The following TYR variants were observed in gnomAD, a reference collection of about 807,000 sequenced individuals.
TYR encodes LB24-AB.
A neutral mutation model predicts 51.5 loss-of-function variants in TYR; 58 were observed. The ratio of observed to expected loss-of-function variants is 1.13; its 90% CI spans 0.91 to 1.40. TYR has a LOEUF of 1.40. Ranked by LOEUF, TYR falls within the 40% of genes most tolerant of loss-of-function variation. The probability of loss-of-function intolerance (pLI) is 0.00; values close to 1 mark genes in which losing one functional copy is unlikely to be tolerated. For missense variants in TYR, 732 were observed against 647.4 expected, an observed-to-expected ratio of 1.13 and a Z score of -1.42; for synonymous variants, 263 against 235.2, an observed-to-expected ratio of 1.12 and a Z score of -1.08.
At chr11:89,225,451 A>C (rs565378630) in intron 2 of TYR, among the ~76,000 whole-genome samples, 13 of 151,964 alleles carry the variant, frequency 8.6e-5, no homozygotes, top group African/African-American at 2.9e-4. Flanking sequence ...CTAACAAAAA[A>C]TTTGTATCCT....
At chr11:89,205,901 T>C (rs961798905) in intron 2 of TYR, among the ~76,000 whole-genome samples, 2 of 152,126 alleles carry the variant, frequency 1.3e-5, no homozygotes, top group Non-Finnish European at 2.9e-5. Flanking sequence ...ATAAGATAAA[T>C]ATTTAAGACA....
At chr11:89,212,097 C>T (rs1943765898) in intron 2 of TYR, among the ~76,000 whole-genome samples, 1 of 151,908 alleles carries the variant, frequency 6.6e-6, no homozygotes, top group Non-Finnish European at 1.5e-5. Flanking sequence ...AAGATCAGAG[C>T]AGAAATGAAG....
chr11:89,283,114 T>C (rs1276711956), intron 3 of TYR, among the ~76,000 whole-genome samples: 1 of 151,844 alleles, frequency 6.6e-6, no homozygotes, highest in Non-Finnish European at 1.5e-5. Flanking sequence ...TGACCTACAG[T>C]AGATACTCAG....
intron 3 of TYR, among the ~76,000 whole-genome samples, chr11:89,280,559 T>C (rs898215650): frequency 4.6e-5 from 7 of 151,474 alleles, no homozygotes; most frequent in South Asian, 2.1e-4. Flanking sequence ...CTATTAGAAA[T>C]GTTATTCTAT....
At chr11:89,217,609 G>A (rs918893034) in intron 2 of TYR, among the ~76,000 whole-genome samples, 3 of 152,174 alleles carry the variant, frequency 2.0e-5, no homozygotes, top group African/African-American at 7.2e-5. Context: ...AAGGGAAAGT[G>A]GTTTTTTGAA....
At chr11:89,271,109 A>G (rs565499786) in intron 3 of TYR, among the ~76,000 whole-genome samples, 96 of 152,030 alleles carry the variant, frequency 6.3e-4, no homozygotes, top group Non-Finnish European at 1.2e-3. Context: ...GAAAAATCCC[A>G]AAACAAAGTA....
chr11:89,246,789 C>A (rs1944272980), intron 3 of TYR, among the ~76,000 whole-genome samples: 1 of 152,040 alleles, frequency 6.6e-6, no homozygotes, highest in Non-Finnish European at 1.5e-5. Context: ...AGAAACAGTC[C>A]AACCAGAAGG....
At chr11:89,225,099 C>G (rs756750220) in intron 2 of TYR, among the ~76,000 whole-genome samples, 2 of 151,326 alleles carry the variant, frequency 1.3e-5, no homozygotes, top group African/African-American at 4.8e-5. Context: ...ATTGATATAC[C>G]TATTTTTGTT....
rs542464190 is a variant in TYR at position 89,283,405 on chromosome 11, T to C, written c.1185-1368T>C. ...TTTTCTAAAATTGTATTCATTTTGT[T>C]TGAAGCATTATCACTTCTTTTTCAA... is the stretch of plus-strand genomic sequence containing the variant. On this transcript the variant is annotated intron_variant, in intron 3 of 4. Transcript: ENST00000263321. Among the ~76,000 whole-genome samples, 27 of 152,016 alleles carry C rather than the reference T, an allele frequency of 1.8e-4. 2 individuals are homozygous for C. The highest frequency in any genetic ancestry group is 5.8e-4 in the African/African-American group (24 of 41,520).
At position 89,178,238 on chromosome 11, in the gene TYR, C is replaced by CA. The variant is rs61753190; in HGVS notation, c.286dup (p.Met96AsnfsTer73). 1.9e-6 allele frequency: 3 copies of CA among 1,614,192 alleles called. No individual in the cohort carries two copies. Among genetic ancestry groups the CA allele is most frequent in the Non-Finnish European group, 2.5e-6 (3 of 1,180,040 alleles). On this transcript the variant is annotated frameshift_variant, in exon 1 of 5. Coordinates refer to ENST00000263321, the MANE Select transcript of TYR (RefSeq NM_000372.5). LOFTEE classifies it high-confidence loss of function. ...GGACCTGCCAGTGCTCTGGCAACTT[C>CA]ATGGGATTCAACTGTGGAAACTGCA...
intron 2 of TYR, among the ~76,000 whole-genome samples, chr11:89,198,935 GGT>G (rs1285939576): frequency 1.3e-5 from 2 of 151,814 alleles, no homozygotes; most frequent in East Asian, 3.9e-4. Flanking sequence ...GACAGGCCCC[GGT>G]GTGTAATGTT....
chr11:89,185,504 G>T (rs1439162114), intron 1 of TYR, among the ~76,000 whole-genome samples: 2 of 152,108 alleles, frequency 1.3e-5, no homozygotes, highest in Non-Finnish European at 2.9e-5. Flanking sequence ...TGAGAGAAAA[G>T]AAATAAACAA....
intron 2 of TYR, among the ~76,000 whole-genome samples, chr11:89,200,946 T>A (rs1943590273): frequency 6.6e-6 from 1 of 152,196 alleles, no homozygotes; most frequent in African/African-American, 2.4e-5. Flanking sequence ...CCTTGCTACA[T>A]TAAAGTCCAT....
At chr11:89,271,503 C>G (rs1328875654) in intron 3 of TYR, among the ~76,000 whole-genome samples, 1 of 151,896 alleles carries the variant, frequency 6.6e-6, no homozygotes, top group East Asian at 1.9e-4. Context: ...TAAGAATATT[C>G]TGAACCTTCA....
chr11:89,272,420 C>T (rs1944599792), intron 3 of TYR, among the ~76,000 whole-genome samples: 1 of 150,196 alleles, frequency 6.7e-6, no homozygotes, highest in Non-Finnish European at 1.5e-5. Flanking sequence ...AGGAGTGGGT[C>T]TCAACAGTGG....
At chr11:89,267,807 A>C in intron 3 of TYR, among the ~76,000 whole-genome samples, 1 of 151,452 alleles carries the variant, frequency 6.6e-6, no homozygotes, top group African/African-American at 2.4e-5. Context: ...AGGCTTACTG[A>C]GTGTATGTGT....
intron 2 of TYR, among the ~76,000 whole-genome samples, chr11:89,213,060 A>C (rs1166911171): frequency 6.6e-6 from 1 of 152,184 alleles, no homozygotes; most frequent in Non-Finnish European, 1.5e-5. Context: ...CACCACTCCT[A>C]TTCACATAGT....
rs147052576 is a variant in TYR, at chr11:89,231,838, C to T, written c.1184+3868C>T. Among the ~76,000 whole-genome samples, 10 of 140,322 alleles carry T rather than the reference C, an allele frequency of 7.1e-5. 3 individuals carry two copies. The highest frequency in any genetic ancestry group is 4.7e-4 in the South Asian group (2 of 4,232). 92.1% of individuals were successfully genotyped at this position (140,322 alleles called of 152,430 possible). On this transcript the variant is annotated intron_variant, in intron 3 of 4. Coordinates refer to ENST00000263321, the MANE Select transcript of TYR (RefSeq NM_000372.5). Reference sequence around the variant, plus strand: ...ATTTCTACTAAAAATACAAAAATTTCGCCAGGCATGGTGGTGTGCGCTTGT... The same window carrying T: ...ATTTCTACTAAAAATACAAAAATTTTGCCAGGCATGGTGGTGTGCGCTTGT...
At chr11:89,263,924 T>C (rs1411865015) in intron 3 of TYR, among the ~76,000 whole-genome samples, 1 of 152,080 alleles carries the variant, frequency 6.6e-6, no homozygotes, top group African/African-American at 2.4e-5. Flanking sequence ...CTTTCTAAGT[T>C]AGTCTATAAA....
Sources: gnomAD v4.1 joint callset for allele counts (sites outside exome capture counted in the v4.1 genomes callset) on GRCh38, gnomAD v4.1.1 for gene constraint, MANE v1.5 for transcripts, NCBI Gene and HGNC (gene_info 2026-07-23, HGNC 2026-07-21) for gene names.